Variants in TRAPPC9 observed in about 807,000 individuals in gnomAD.
TRAPPC9 encodes the protein IKK2 binding protein.
In TRAPPC9, 83 loss-of-function variants were observed where a neutral mutation model predicts 124.0. That is an observed-to-expected ratio of 0.67 (90% CI 0.56 to 0.80). The LOEUF is 0.80. Among genes scored for constraint, TRAPPC9 ranks in the 30% least tolerant of loss-of-function variants. The pLI is 0.00. For missense variants in TRAPPC9, 1,302 were observed against 1,508.3 expected (o/e 0.86, Z 2.27); for synonymous variants, 638 against 617.5 (o/e 1.03, Z -0.49).
chr8:140,345,415 A>G (rs1195773101), intron 9 of TRAPPC9, among the ~76,000 whole-genome samples: 2 of 152,190 alleles, frequency 1.3e-5, no homozygotes, highest in African/African-American at 4.8e-5. Context: ...TGGAAGTAGC[A>G]ACGGAAAATG....
intron 16 of TRAPPC9, among the ~76,000 whole-genome samples, chr8:140,242,132 CAGACAGAG>C (rs1479156999): frequency 4.9e-4 from 62 of 126,728 alleles, no homozygotes; most frequent in African/African-American, 2.3e-3. Context: ...CACGAAGAGG[CAGACAGAG>C]AGAGAGAGAG....
At position 140,372,886 on chromosome 8, in the gene TRAPPC9, A is replaced by G. The variant is rs530883905; in HGVS notation, c.1135-1706T>C. Among the ~76,000 whole-genome samples, 10 of 152,306 alleles carry G rather than the reference A, an allele frequency of 6.6e-5. No individual in the cohort carries two copies. The South Asian group carries it at 1.2e-3, about 19-fold the overall frequency. On this transcript the variant is annotated intron_variant, in intron 7 of 22. Coordinates refer to ENST00000438773, the MANE Select transcript of TRAPPC9 (RefSeq NM_001160372.4). ...CACCCAGTCTGTGGCATTTTGTGAC[A>G]GCAGCCTCACCGGACTAAGACAATC...
At chr8:139,899,084 C>G (rs1192000435) in intron 20 of TRAPPC9, among the ~76,000 whole-genome samples, 1 of 134,466 alleles carries the variant, frequency 7.4e-6, no homozygotes, top group East Asian at 2.2e-4. Context: ...CGCACCATTG[C>G]ACTCCAGCCT....
intron 21 of TRAPPC9, among the ~76,000 whole-genome samples, chr8:139,867,300 A>G (rs1408008859): frequency 1.3e-5 from 2 of 152,248 alleles, no homozygotes; most frequent in Non-Finnish European, 2.9e-5. Flanking sequence ...AGCCTGAAGG[A>G]GCACCCAGAG....
intron 21 of TRAPPC9, among the ~76,000 whole-genome samples, chr8:139,791,320 T>C (rs1308387756): frequency 1.6e-5 from 2 of 121,536 alleles, no homozygotes; most frequent in Admixed American, 7.9e-5. Flanking sequence ...CCGTCTCCCC[T>C]GCACAGACAC....
chr8:140,411,438 T>G (rs1207853919), intron 5 of TRAPPC9, among the ~76,000 whole-genome samples: 1 of 152,208 alleles, frequency 6.6e-6, no homozygotes. Flanking sequence ...GCCTCCCAGG[T>G]TCCAGCGATT....
chr8:139,763,698 C>T (rs1820392707), intron 21 of TRAPPC9, among the ~76,000 whole-genome samples: 1 of 152,240 alleles, frequency 6.6e-6, no homozygotes, highest in African/African-American at 2.4e-5. Flanking sequence ...GTCGATCATT[C>T]AGGTGCTGGT....
In TRAPPC9 at chr8:140,018,364, C is replaced by T. The variant is rs1276437194; in HGVS notation, c.2699+5573G>A. Among the ~76,000 whole-genome samples, 10 of 116,116 alleles carry T rather than the reference C, an allele frequency of 8.6e-5. No homozygotes were observed. The South Asian group carries it at 2.8e-3, about 32-fold the overall frequency. 76.2% of individuals were successfully genotyped at this position (116,116 alleles called of 152,430 possible). On this transcript the variant is annotated intron_variant, in intron 18 of 22. Coordinates refer to ENST00000438773, the MANE Select transcript of TRAPPC9 (RefSeq NM_001160372.4). ...TTTGAGACGGAGTCTCACTCTGTCA[C>T]CCAGGCTGGAGTGCAGTGGTGTGAT...
chr8:140,073,325 G>C (rs1843297671), intron 17 of TRAPPC9, among the ~76,000 whole-genome samples: 1 of 152,146 alleles, frequency 6.6e-6, no homozygotes, highest in Admixed American at 6.5e-5. Context: ...ATCAATAGGA[G>C]AATAAACAAA....
chr8:140,128,039 A>G (rs1190122639), intron 17 of TRAPPC9, among the ~76,000 whole-genome samples: 2 of 152,280 alleles, frequency 1.3e-5, no homozygotes, highest in African/African-American at 2.4e-5. Flanking sequence ...CATGGTGAAG[A>G]GCTAAATTGG....
At chr8:140,068,700 T>C (rs983894727) in intron 17 of TRAPPC9, among the ~76,000 whole-genome samples, 2 of 152,156 alleles carry the variant, frequency 1.3e-5, no homozygotes, top group Non-Finnish European at 2.9e-5. Flanking sequence ...CAGGCCACAA[T>C]CAAAGCCTAA....
chr8:139,828,338 C>T (rs1002803561), intron 21 of TRAPPC9, among the ~76,000 whole-genome samples: 1 of 152,202 alleles, frequency 6.6e-6, no homozygotes, highest in Non-Finnish European at 1.5e-5. Flanking sequence ...CTGCTTTCCT[C>T]CTAGCATTCT....
intron 19 of TRAPPC9, among the ~76,000 whole-genome samples, chr8:139,911,719 A>G (rs1420929419): frequency 6.8e-6 from 1 of 146,354 alleles, no homozygotes; most frequent in Non-Finnish European, 1.5e-5. Context: ...GAAAAAAAAA[A>G]AGTAGGCCTT....
chr8:139,956,170 C>A (rs1004636424), intron 19 of TRAPPC9, among the ~76,000 whole-genome samples: 58 of 148,098 alleles, frequency 3.9e-4, no homozygotes, highest in African/African-American at 1.1e-3. Context: ...TTTTTTTTTT[C>A]TTTTATTTTG....
chr8:140,060,114 T>C (rs1842509844), intron 17 of TRAPPC9, among the ~76,000 whole-genome samples: 1 of 152,218 alleles, frequency 6.6e-6, no homozygotes, highest in Non-Finnish European at 1.5e-5. Flanking sequence ...TGATTGGCAG[T>C]TGCGTTACCT....
At chr8:139,947,492 T>C (rs1834304331) in intron 19 of TRAPPC9, among the ~76,000 whole-genome samples, 1 of 152,196 alleles carries the variant, frequency 6.6e-6, no homozygotes, top group South Asian at 2.1e-4. Flanking sequence ...TTAATTTAAA[T>C]AAGGCTTTGT....
chr8:139,842,615 AT>A (rs1826804835), intron 21 of TRAPPC9, among the ~76,000 whole-genome samples: 1 of 130,860 alleles, frequency 7.6e-6, no homozygotes, highest in Non-Finnish European at 1.6e-5. Flanking sequence ...TGATCACAGC[AT>A]GGCCCCCGCC....
intron 9 of TRAPPC9, among the ~76,000 whole-genome samples, chr8:140,315,541 G>A (rs371255136): frequency 8.5e-4 from 129 of 152,062 alleles, no homozygotes; most frequent in African/African-American, 2.4e-3. Context: ...AGGAAATATT[G>A]TTTGGAAAAT....
rs115741185 is a variant in TRAPPC9, at chr8:139,971,976, C to T, written c.2810+16750G>A. On this transcript the variant is annotated intron_variant, in intron 19 of 22. Transcript: ENST00000438773. ...TGCTGGGACTACAGGCACGCGCCAC[C>T]ATGCCCGCCTAAATTTTTTTGTATT... 3.6e-3 allele frequency among the ~76,000 whole-genome samples: 554 copies of T among 152,170 alleles called. 4 individuals are homozygous for T. Among genetic ancestry groups the T allele is most frequent in the African/African-American group, 0.013 (530 of 41,534 alleles).
Sources: gnomAD v4.1 joint callset for allele counts (sites outside exome capture counted in the v4.1 genomes callset) on GRCh38, gnomAD v4.1.1 for gene constraint, MANE v1.5 for transcripts, NCBI Gene and HGNC (gene_info 2026-07-23, HGNC 2026-07-21) for gene names.